The following ADAMTS12 variants were observed in gnomAD, a reference collection of about 807,000 sequenced individuals.
The protein encoded by ADAMTS12 is A disintegrin and metalloproteinase with thrombospondin motifs 12.
A neutral mutation model predicts 167.8 loss-of-function variants in ADAMTS12; 118 were observed. The ratio of observed to expected loss-of-function variants is 0.70; its 90% confidence interval spans 0.61 to 0.82. The LOEUF is 0.82. Ranked by LOEUF, ADAMTS12 falls within the 40% of genes least tolerant of loss-of-function variation. The probability of loss-of-function intolerance (pLI) is 0.00; values close to 1 mark genes in which losing one functional copy is unlikely to be tolerated. For synonymous variants in ADAMTS12, 704 were observed against 716.9 expected, an observed-to-expected ratio of 0.98 and a Z score of 0.29; for missense variants, 1,916 against 1,998.8, an observed-to-expected ratio of 0.96 and a Z score of 0.79.
At position 33,724,689 on chromosome 5, in the gene ADAMTS12, T is replaced by C. The variant is rs554602097; in HGVS notation, c.634+26715A>G. Among the ~76,000 whole-genome samples the C allele has an allele frequency of 2.9e-4, 44 of 152,070 alleles. 1 individual carries two copies. The highest frequency in any genetic ancestry group is 7.2e-4 in the Admixed American group (11 of 15,284). On this transcript the variant is annotated intron_variant, in intron 3 of 23. Coordinates refer to ENST00000504830, the MANE Select transcript of ADAMTS12 (RefSeq NM_030955.4). Reference sequence around the variant, plus strand: ...GTCTCAGCCTCTTGAGTAGCTGGGATTACAGGCGCCCGCCACCGTGCCCGG... The same window carrying C: ...GTCTCAGCCTCTTGAGTAGCTGGGACTACAGGCGCCCGCCACCGTGCCCGG...
chr5:33,764,385 G>C (rs994763253), intron 2 of ADAMTS12, among the ~76,000 whole-genome samples: 1 of 152,132 alleles, frequency 6.6e-6, no homozygotes, highest in Non-Finnish European at 1.5e-5. Context: ...GTGCCACTAA[G>C]ATTTCTCTTC....
chr5:33,692,702 A>G (rs1469300775), intron 3 of ADAMTS12, among the ~76,000 whole-genome samples: 1 of 152,178 alleles, frequency 6.6e-6, no homozygotes, highest in Non-Finnish European at 1.5e-5. Context: ...TCCAAGTGAC[A>G]GCATTCAATC....
At chr5:33,693,279 C>T (rs1742620670) in intron 3 of ADAMTS12, among the ~76,000 whole-genome samples, 1 of 152,184 alleles carries the variant, frequency 6.6e-6, no homozygotes, top group Non-Finnish European at 1.5e-5. Flanking sequence ...GAGAATATAT[C>T]ATAGAGACCT....
intron 2 of ADAMTS12, among the ~76,000 whole-genome samples, chr5:33,820,064 G>A (rs1173758170): frequency 6.6e-6 from 1 of 152,144 alleles, no homozygotes; most frequent in Non-Finnish European, 1.5e-5. Context: ...CTCTGGAACT[G>A]GCTAACTGTG....
At chr5:33,679,879 G>T (rs10073899) in intron 5 of ADAMTS12, among the ~76,000 whole-genome samples, 8,024 of 152,218 alleles carry the variant, frequency 0.053, 439 homozygotes, top group East Asian at 0.17. Flanking sequence ...TAGAGTTGCT[G>T]AACTCAGGTC....
At chr5:33,698,762 AC>A (rs1190926517) in intron 3 of ADAMTS12, among the ~76,000 whole-genome samples, 13 of 152,270 alleles carry the variant, frequency 8.5e-5, no homozygotes, top group Non-Finnish European at 1.5e-4. Context: ...AGATGATGAA[AC>A]CCCGTCTCTA....
chr5:33,767,003 A>T (rs1745557990), intron 2 of ADAMTS12, among the ~76,000 whole-genome samples: 1 of 152,206 alleles, frequency 6.6e-6, no homozygotes, highest in Admixed American at 6.5e-5. Context: ...CATATCCACC[A>T]CTGCATTATT....
chr5:33,631,316 T>C (rs1739918378), intron 12 of ADAMTS12, among the ~76,000 whole-genome samples: 1 of 152,118 alleles, frequency 6.6e-6, no homozygotes, highest in Non-Finnish European at 1.5e-5. Flanking sequence ...CCTGCTTGTT[T>C]CTTGCAGCAA....
chr5:33,636,565 C>G (rs6868084), intron 12 of ADAMTS12, among the ~76,000 whole-genome samples: 81,894 of 151,954 alleles, frequency 0.54, 23,292 homozygotes, highest in Non-Finnish European at 0.62. Flanking sequence ...GCTGAGCAAA[C>G]CACTGCAGAG....
intron 2 of ADAMTS12, among the ~76,000 whole-genome samples, chr5:33,766,649 T>C (rs1745546103): frequency 6.6e-6 from 1 of 152,198 alleles, no homozygotes; most frequent in Non-Finnish European, 1.5e-5. Context: ...TCTGTAATTT[T>C]AAAAACAGTC....
At chr5:33,656,001 A>C (rs576815359) in intron 7 of ADAMTS12, among the ~76,000 whole-genome samples, 7 of 152,200 alleles carry the variant, frequency 4.6e-5, no homozygotes, top group Non-Finnish European at 1.0e-4. Flanking sequence ...AGTGTTCTTT[A>C]ATTCTTTTAC....
At chr5:33,889,819 G>A (rs921064422) in intron 1 of ADAMTS12, among the ~76,000 whole-genome samples, 12 of 152,124 alleles carry the variant, frequency 7.9e-5, no homozygotes, top group African/African-American at 2.7e-4. Flanking sequence ...GGGCATGGTG[G>A]CACACGTCTG....
intron 5 of ADAMTS12, among the ~76,000 whole-genome samples, chr5:33,665,395 T>C (rs1252401596): frequency 6.6e-6 from 1 of 152,184 alleles, no homozygotes; most frequent in East Asian, 1.9e-4. Context: ...TTAAGTAGTC[T>C]CATTACAAAA....
chr5:33,576,664 G>GT lies in ADAMTS12; in HGVS notation c.3361_3362insA (p.Ala1121AspfsTer47). ...CAAGCCAGAACCACTTGTTGTTGTA[G>GT]CTACAAGGCCTCCCTCCGAGGTAGG... is the stretch of plus-strand genomic sequence containing the variant. On this transcript the variant is annotated frameshift_variant, in exon 19 of 24. Transcript: ENST00000504830. LOFTEE classifies it high-confidence loss of function. The GT allele has an allele frequency of 6.2e-7, 1 of 1,614,222 alleles. No individual in the cohort carries two copies. Among genetic ancestry groups the GT allele is most frequent in the Non-Finnish European group, 8.5e-7 (1 of 1,180,032 alleles).
chr5:33,822,049 TG>T (rs944678534), intron 2 of ADAMTS12, among the ~76,000 whole-genome samples: 3 of 152,218 alleles, frequency 2.0e-5, no homozygotes, highest in African/African-American at 7.2e-5. Context: ...TCTATAATAT[TG>T]TTTATGAAAA....
At chr5:33,630,015 A>G (rs919530001) in intron 13 of ADAMTS12, among the ~76,000 whole-genome samples, 1 of 152,222 alleles carries the variant, frequency 6.6e-6, no homozygotes, top group Non-Finnish European at 1.5e-5. Flanking sequence ...GAGTCTTAGA[A>G]AGATGTATAG....
In ADAMTS12 at chr5:33,687,609, G is replaced by A. The variant is rs553925695; in HGVS notation, c.635-3554C>T. Among the ~76,000 whole-genome samples the A allele has an allele frequency of 2.3e-4, 35 of 152,220 alleles. No homozygotes were observed. In the South Asian group the frequency reaches 7.3e-3, roughly 32 times the overall value. ...ACATAAGAAAAATTGTCATCACTGG[G>A]GTTCAAGTAATTCCCAAAGAGAAAT... On this transcript the variant is annotated intron_variant, in intron 3 of 23. Transcript: ENST00000504830.
rs1156893687 is a variant in ADAMTS12 at position 33,526,268 on chromosome 5, C to T, written c.*920G>A. 2 of 152,080 alleles carry T rather than the reference C, an allele frequency of 1.3e-5. No homozygotes were observed. Among genetic ancestry groups the T allele is most frequent in the East Asian group, 1.9e-4 (1 of 5,178 alleles). 9.4% of individuals were successfully genotyped at this position (152,080 alleles called of 1,614,324 possible). ...TGCATATACAGCCCCTGCAGCAAGA[C>T]GATGGTGGGACCTGAGCTCAGGCCT... On this transcript the variant is annotated 3_prime_UTR_variant, in exon 24 of 24. Coordinates refer to ENST00000504830, the MANE Select transcript of ADAMTS12 (RefSeq NM_030955.4).
At chr5:33,807,159 T>C (rs1438574591) in intron 2 of ADAMTS12, among the ~76,000 whole-genome samples, 1 of 152,234 alleles carries the variant, frequency 6.6e-6, no homozygotes, top group Non-Finnish European at 1.5e-5. Context: ...TCCTCCAGGG[T>C]TCCACATTCC....
Sources: gnomAD v4.1 joint callset for allele counts (sites outside exome capture counted in the v4.1 genomes callset) on GRCh38, gnomAD v4.1.1 for gene constraint, MANE v1.5 for transcripts, NCBI Gene and HGNC (gene_info 2026-07-23, HGNC 2026-07-21) for gene names.